MTUS2: variants seen among roughly 807,000 people sequenced by gnomAD.
MTUS2 encodes microtubule associated scaffold protein 2.
Under a neutral mutation model 114.1 loss-of-function variants are expected in MTUS2, and 40 were observed. The ratio of observed to expected loss-of-function variants is 0.35; its 90% CI spans 0.27 to 0.46. MTUS2 has a LOEUF of 0.46. Among genes scored for constraint, MTUS2 ranks in the 20% least tolerant of loss-of-function variants. The pLI, the probability that MTUS2 is intolerant of heterozygous loss-of-function variation, is 1.00. For synonymous variants in MTUS2, 688 were observed against 672.0 expected (o/e 1.02, Z -0.37); for missense variants, 1,679 against 1,705.4 (o/e 0.98, Z 0.27).
At chr13:29,275,509 G>A (rs1480994050) in intron 5 of MTUS2, among the ~76,000 whole-genome samples, 1 of 151,952 alleles carries the variant, frequency 6.6e-6, no homozygotes, top group Non-Finnish European at 1.5e-5. Context: ...TACTCCCTCT[G>A]CTCCCACCCA....
intron 5 of MTUS2, among the ~76,000 whole-genome samples, chr13:29,167,682 A>G (rs1333367413): frequency 6.6e-6 from 1 of 152,112 alleles, no homozygotes; most frequent in Non-Finnish European, 1.5e-5. Flanking sequence ...AAGTTTGAAA[A>G]TTTGTAATCC....
At chr13:29,431,778 G>A (rs1390869663) in intron 8 of MTUS2, among the ~76,000 whole-genome samples, 1 of 152,184 alleles carries the variant, frequency 6.6e-6, no homozygotes, top group African/African-American at 2.4e-5. Flanking sequence ...GAGATATGGT[G>A]CATAGGGAGT....
intron 8 of MTUS2, among the ~76,000 whole-genome samples, chr13:29,394,640 A>G (rs1352975864): frequency 6.6e-6 from 1 of 152,218 alleles, no homozygotes; most frequent in African/African-American, 2.4e-5. Flanking sequence ...TCTCCCCAGC[A>G]GGGATCCCCA....
chr13:29,025,343 G>A lies in MTUS2; in HGVS notation c.645G>A (p.Gly215=), dbSNP rs752206942. 1.9e-6 allele frequency: 3 copies of A among 1,613,814 alleles called. No individual in the cohort carries two copies. Among genetic ancestry groups the A allele is most frequent in the Non-Finnish European group, 1.7e-6 (2 of 1,179,878 alleles). ...ARGQIPGGGE[G]PQKTLPDHAV... ...GTCAGATACCTGGGGGTGGGGAGGG[G>A]CCACAGAAGACATTGCCAGACCACG... is the stretch of plus-strand genomic sequence containing the variant. Residue 215 remains glycine (G), a synonymous_variant, in exon 3 of 16, where the codon GGG becomes GGA. Coordinates refer to ENST00000612955, the MANE Select transcript of MTUS2 (RefSeq NM_001033602.4).
At chr13:29,293,130 A>G (rs1487837172) in intron 6 of MTUS2, among the ~76,000 whole-genome samples, 2 of 152,178 alleles carry the variant, frequency 1.3e-5, no homozygotes, top group African/African-American at 4.8e-5. Context: ...AATCACATAA[A>G]AATTTAAAAC....
chr13:29,089,666 T>G (rs1382159743), intron 4 of MTUS2, among the ~76,000 whole-genome samples: 1 of 152,248 alleles, frequency 6.6e-6, no homozygotes, highest in Non-Finnish European at 1.5e-5. Context: ...TTCTTTTTTT[T>G]GTCTGCATGG....
At chr13:29,389,637 A>G (rs1273819604) in intron 8 of MTUS2, among the ~76,000 whole-genome samples, 2 of 146,712 alleles carry the variant, frequency 1.4e-5, no homozygotes, top group Non-Finnish European at 3.0e-5. Flanking sequence ...GTATACACAT[A>G]TGTGTATGTA....
intron 4 of MTUS2, among the ~76,000 whole-genome samples, chr13:29,057,319 C>A (rs1179209834): frequency 8.6e-5 from 13 of 151,982 alleles, no homozygotes; most frequent in Non-Finnish European, 1.5e-4. Context: ...CCCATTCAGT[C>A]AAATAATTGA....
intron 2 of MTUS2, among the ~76,000 whole-genome samples, chr13:28,953,500 ACT>A (rs1474729593): frequency 6.6e-6 from 1 of 152,064 alleles, no homozygotes; most frequent in Non-Finnish European, 1.5e-5. Flanking sequence ...CAAGAGTGAA[ACT>A]CTGTCTCAAA....
intron 8 of MTUS2, among the ~76,000 whole-genome samples, chr13:29,429,141 G>A (rs944876778): frequency 2.0e-5 from 3 of 152,220 alleles, no homozygotes; most frequent in Non-Finnish European, 4.4e-5. Flanking sequence ...TGTAACTGTT[G>A]CATTTTCCTG....
intron 8 of MTUS2, among the ~76,000 whole-genome samples, chr13:29,369,020 C>A (rs1454377445): frequency 6.6e-6 from 1 of 152,004 alleles, no homozygotes; most frequent in Non-Finnish European, 1.5e-5. Flanking sequence ...TCTCAGAAGC[C>A]AAACGGAGGG....
intron 6 of MTUS2, among the ~76,000 whole-genome samples, chr13:29,301,127 T>A (rs1276675372): frequency 6.6e-6 from 1 of 152,234 alleles, no homozygotes; most frequent in Admixed American, 6.5e-5. Flanking sequence ...GCCTAGCTGA[T>A]GTGAGGGATG....
At position 29,375,537 on chromosome 13, in the gene MTUS2, A is replaced by G. The variant is rs1279884398; in HGVS notation, c.3117+16064A>G. 6.4e-5 allele frequency among the ~76,000 whole-genome samples: 4 copies of G among 62,796 alleles called. 1 individual carries two copies. The highest frequency in any genetic ancestry group is 5.4e-4 in the South Asian group (1 of 1,868). 41.2% of individuals were successfully genotyped at this position (62,796 alleles called of 152,430 possible). A position where few individuals can be genotyped will look rare whatever the true frequency, so the allele number is the denominator to read the frequency against. ...CTACTATATATATATATATATATATACGTGTATATATATATATATACGTAT... is the reference window on the plus strand; with the variant it reads ...CTACTATATATATATATATATATATGCGTGTATATATATATATATACGTAT... On this transcript the variant is annotated intron_variant, in intron 8 of 15. Coordinates refer to ENST00000612955, the MANE Select transcript of MTUS2 (RefSeq NM_001033602.4).
intron 4 of MTUS2, among the ~76,000 whole-genome samples, chr13:29,054,599 T>A (rs999927331): frequency 5.3e-5 from 8 of 152,114 alleles, no homozygotes; most frequent in African/African-American, 1.7e-4. Context: ...TCACAACAGT[T>A]TAAGTATACT....
At chr13:29,095,491 T>C (rs1313325734) in intron 4 of MTUS2, among the ~76,000 whole-genome samples, 1 of 150,842 alleles carries the variant, frequency 6.6e-6, no homozygotes, top group Non-Finnish European at 1.5e-5. Flanking sequence ...TCTTTACATT[T>C]ACCTTATTTG....
chr13:29,117,338 AC>A (rs1891130751), intron 5 of MTUS2, among the ~76,000 whole-genome samples: 1 of 152,058 alleles, frequency 6.6e-6, no homozygotes, highest in Admixed American at 6.6e-5. Flanking sequence ...CAGGTGCTGG[AC>A]CCCTGTCATT....
chr13:28,969,048 A>AT (rs1303788576), intron 2 of MTUS2, among the ~76,000 whole-genome samples: 1 of 152,106 alleles, frequency 6.6e-6, no homozygotes, highest in Admixed American at 6.6e-5. Context: ...AATTTTGTTA[A>AT]TTTTTTATTT....
rs1304339150 is a variant in MTUS2, at chr13:29,380,666, C to T, written c.3117+21193C>T. On this transcript the variant is annotated intron_variant, in intron 8 of 15. Coordinates refer to ENST00000612955, the MANE Select transcript of MTUS2 (RefSeq NM_001033602.4). ...GCGCGGTGGCTCACGCCTGTAATCC[C>T]AGCACTTTGGGAGGCCGAGGCGGGT... 1.1e-4 allele frequency among the ~76,000 whole-genome samples: 2 copies of T among 18,066 alleles called. 1 individual carries two copies. Among genetic ancestry groups the T allele is most frequent in the Non-Finnish European group, 7.5e-4 (2 of 2,684 alleles). The allele number at this position is 18,066 out of a possible 152,430, so 11.9% of individuals were successfully genotyped here. A position where few individuals can be genotyped will look rare whatever the true frequency, so the allele number is the denominator to read the frequency against.
At chr13:29,488,472 A>G (rs1375830032) in intron 11 of MTUS2, among the ~76,000 whole-genome samples, 2 of 109,954 alleles carry the variant, frequency 1.8e-5, no homozygotes, top group African/African-American at 3.7e-5. Flanking sequence ...ACAGAGTCTC[A>G]CTTTGTTGCC....
Sources: gnomAD v4.1 joint callset for allele counts (sites outside exome capture counted in the v4.1 genomes callset) on GRCh38, gnomAD v4.1.1 for gene constraint, MANE v1.5 for transcripts, NCBI Gene and HGNC (gene_info 2026-07-23, HGNC 2026-07-21) for gene names.